Variants in TCF7 observed in about 807,000 individuals in gnomAD.
TCF7 encodes the protein T-cell-factor-7.
In TCF7, 19 loss-of-function variants were observed where a neutral mutation model predicts 46.8. The observed-to-expected ratio is 0.41, with a 90% CI of 0.28 to 0.60. The LOEUF (loss-of-function observed/expected upper bound fraction) is 0.60. TCF7 is among the 20% of genes least tolerant of loss of function. The pLI is 0.35. For missense variants in TCF7, 547 were observed against 504.6 expected, an observed-to-expected ratio of 1.08 and a Z score of -0.81; for synonymous variants, 245 against 213.4, an observed-to-expected ratio of 1.15 and a Z score of -1.29.
At chr5:134,119,652 A>G (rs1199200570) in intron 3 of TCF7, among the ~76,000 whole-genome samples, 1 of 152,226 alleles carries the variant, frequency 6.6e-6, no homozygotes, top group Non-Finnish European at 1.5e-5. Flanking sequence ...AAGGAGCCTC[A>G]CTGAGGCAGT....
chr5:134,133,621 G>T (rs1758458359), intron 3 of TCF7, among the ~76,000 whole-genome samples: 1 of 152,086 alleles, frequency 6.6e-6, no homozygotes, highest in Non-Finnish European at 1.5e-5. Context: ...GGCGCAAAGC[G>T]GGCTGGGGAT....
intron 3 of TCF7, among the ~76,000 whole-genome samples, chr5:134,118,959 G>A (rs1756208336): frequency 3.3e-5 from 5 of 152,116 alleles, no homozygotes; most frequent in Admixed American, 3.3e-4. Flanking sequence ...GTTTGTTTTT[G>A]TTTCTGTAGC....
intron 3 of TCF7, among the ~76,000 whole-genome samples, chr5:134,119,462 A>C (rs244693): frequency 0.93 from 141,187 of 152,072 alleles, 65,572 homozygotes; most frequent in African/African-American, 0.98. Context: ...GAATTACATA[A>C]CCTTTAAAAC....
chr5:134,138,981 C>A lies in TCF7; in HGVS notation c.578C>A (p.Ser193Tyr). The A allele has an allele frequency of 6.2e-7, 1 of 1,614,066 alleles. No homozygotes were observed. Among genetic ancestry groups the A allele is most frequent in the Non-Finnish European group, 8.5e-7 (1 of 1,180,018 alleles). ...AGGCCTCTGCAGACCCCTGACCTCT[C>A]TGGCTTCTACTCCCTGACCTCAGGC... ...VHRPLQTPDL[S>Y]GFYSLTSGSM... The change falls in exon 5 of 10, where the codon TCT becomes TAT. Residue 193 changes from serine to tyrosine, a missense_variant. Ser to Tyr is a moderately radical substitution (Grantham distance 144, BLOSUM62 -2). Around this residue, in one of 3 missense-constraint regions of TCF7, gnomAD observed 425 missense variants for 349.9 expected, o/e 1.21. Transcript: ENST00000342854.
Position 134,115,303 on chromosome 5 carries a change from C to G in TCF7, c.250-18C>G. On this transcript the variant is annotated intron_variant, in intron 1 of 9. Transcript: ENST00000342854. ...CGCGGTCCCACCGCCCCTCACTCCCCTCCGGTTCTCCCTCCAGGCTCTCGG... is the reference window on the plus strand; with the variant it reads ...CGCGGTCCCACCGCCCCTCACTCCCGTCCGGTTCTCCCTCCAGGCTCTCGG... The G allele has an allele frequency of 6.4e-7, 1 of 1,561,142 alleles. No homozygotes were observed. The highest frequency in any genetic ancestry group is 8.7e-7 in the Non-Finnish European group (1 of 1,154,256).
chr5:134,108,707 T>C, the TCF7 span, among the ~76,000 whole-genome samples: 1 of 152,082 alleles, frequency 6.6e-6, no homozygotes, highest in Non-Finnish European at 1.5e-5. Flanking sequence ...GGAATTGTCC[T>C]AGGTGGCAGG....
At chr5:134,108,825 C>T in the TCF7 span, among the ~76,000 whole-genome samples, 1 of 152,248 alleles carries the variant, frequency 6.6e-6, no homozygotes, top group South Asian at 2.1e-4. Context: ...TCCCAGGGAC[C>T]CTATGGGGTC....
At chr5:134,142,946 C>T (rs1276894678) in intron 7 of TCF7, 47 bp from the exon 8 acceptor site, 1 of 1,612,216 alleles carries the variant, frequency 6.2e-7, no homozygotes, top group Non-Finnish European at 8.5e-7. Context: ...CTGGTGCAGC[C>T]TGCTGACTCC....
At chr5:134,145,893 AAC>A in intron 9 of TCF7, 3 of 1,565,626 alleles carry the variant, frequency 1.9e-6, no homozygotes, top group Non-Finnish European at 2.6e-6. Context: ...GAGTCCCACA[AAC>A]ACATCTGGAG....
At chr5:134,124,187 G>C (rs957833179) in intron 3 of TCF7, among the ~76,000 whole-genome samples, 1 of 152,164 alleles carries the variant, frequency 6.6e-6, no homozygotes, top group Non-Finnish European at 1.5e-5. Context: ...CAGGGGTGGA[G>C]GGTGGGCATC....
chr5:134,132,586 G>A (rs1180096745), intron 3 of TCF7, among the ~76,000 whole-genome samples: 9 of 152,214 alleles, frequency 5.9e-5, no homozygotes, highest in Non-Finnish European at 1.0e-4. Context: ...AGCATTTGGG[G>A]GTTTTCAGAG....
chr5:134,143,775 C>T lies in TCF7; in HGVS notation c.1075+135C>T, dbSNP rs368080308. 6.6e-4 allele frequency: 617 copies of T among 931,506 alleles called. 9 individuals carry two copies. The South Asian group carries it at 9.0e-3, about 14-fold the overall frequency. 57.7% of individuals were successfully genotyped at this position (931,506 alleles called of 1,614,324 possible). A position where few individuals can be genotyped will look rare whatever the true frequency, so the allele number is the denominator to read the frequency against. On this transcript the variant is annotated intron_variant, in intron 9 of 9. Coordinates refer to ENST00000342854, the MANE Select transcript of TCF7 (RefSeq NM_003202.5). Reference sequence around the variant, plus strand: ...GGGCCTGGGGCCTATGAAAACAAGGCCTGCATCTCACAAGTCAAATTCCCA... The same window carrying T: ...GGGCCTGGGGCCTATGAAAACAAGGTCTGCATCTCACAAGTCAAATTCCCA...
rs1369869552 is a variant in TCF7, at chr5:134,147,233, T to C, written c.*930T>C. The C allele has an allele frequency of 6.6e-6, 1 of 152,256 alleles. No homozygotes were observed. Among genetic ancestry groups the C allele is most frequent in the African/African-American group, 2.4e-5 (1 of 41,432 alleles). 9.4% of individuals were successfully genotyped at this position (152,256 alleles called of 1,614,324 possible). A position where few individuals can be genotyped will look rare whatever the true frequency, so the allele number is the denominator to read the frequency against. ...GTATCTAGCTCTAGTTCAAATTATT[T>C]GGAAGTGTTCCCTGAGAAACCCACC... On this transcript the variant is annotated 3_prime_UTR_variant, in exon 10 of 10. Transcript: ENST00000342854.
chr5:134,138,292 C>A, intron 4 of TCF7, 128 bp downstream of exon 4: 1 of 746,520 alleles, frequency 1.3e-6, no homozygotes, highest in Non-Finnish European at 2.2e-6. Flanking sequence ...ACTAAGGGCC[C>A]AAAGAAAATA....
intron 3 of TCF7, among the ~76,000 whole-genome samples, chr5:134,124,066 G>C (rs1756993853): frequency 6.6e-6 from 1 of 152,158 alleles, no homozygotes; most frequent in Admixed American, 6.5e-5. Context: ...CTACCCCAGA[G>C]GTCAGTGGCT....
intron 9 of TCF7, chr5:134,144,195 C>T: frequency 6.2e-6 from 1 of 162,034 alleles, no homozygotes; most frequent in Non-Finnish European, 1.4e-5. Context: ...AACTGAGACT[C>T]CACATCCCTG....
rs1479559377 is a variant in TCF7 at position 134,145,139 on chromosome 5, C to T, written c.1076-1085C>T. The T allele has an allele frequency of 7.8e-6, 5 of 640,422 alleles. No individual in the cohort carries two copies. The East Asian group carries it at 1.6e-4, about 21-fold the overall frequency. The allele number at this position is 640,422 out of a possible 1,614,324, so 39.7% of individuals were successfully genotyped here. ...AGACTCAAGAAGGCAGCTCTGATGC[C>T]AGTGGGCCTAGCAGGTCCTCAGCAA... On this transcript the variant is annotated intron_variant, in intron 9 of 9. Transcript: ENST00000342854.
At chr5:134,115,448 GGGGACGCCAAGGACCGC>G in intron 2 of TCF7, 61 bp downstream of exon 2, 1 of 1,543,926 alleles carries the variant, frequency 6.5e-7, no homozygotes, top group East Asian at 2.5e-5. Flanking sequence ...TCGGTGGGAC[GGGGACGCCAAGGACCGC>G]GGGGAGCCGG....
At chr5:134,113,713 C>T (rs1289348027), upstream of TCF7, among the ~76,000 whole-genome samples, 1 of 152,262 alleles carries the variant, frequency 6.6e-6, no homozygotes, top group African/African-American at 2.4e-5. Flanking sequence ...TGGACGCAGA[C>T]CCGGGTGCCA....
Sources: gnomAD v4.1 joint callset for allele counts (sites outside exome capture counted in the v4.1 genomes callset) on GRCh38, gnomAD v4.1.1 for gene constraint, gnomAD v4.1.1 regional missense constraint, MANE v1.5 for transcripts, NCBI Gene and HGNC (gene_info 2026-07-23, HGNC 2026-07-21) for gene names.